Variants in HDLBP observed in about 807,000 individuals in gnomAD.
The protein encoded by HDLBP is high density lipoprotein binding protein, also known as vigilin.
Under a neutral mutation model 137.3 loss-of-function variants are expected in HDLBP, and 30 were observed. That is an observed-to-expected ratio of 0.22 (90% CI 0.16 to 0.30). The LOEUF is 0.30. Ranked by LOEUF, HDLBP falls within the 10% of genes least tolerant of loss-of-function variation. The pLI is 1.00. For missense variants in HDLBP, 1,119 were observed against 1,667.3 expected, an observed-to-expected ratio of 0.67 and a Z score of 5.73; for synonymous variants, 606 against 596.0, an observed-to-expected ratio of 1.02 and a Z score of -0.24.
chr2:241,247,280 GGTAA>G, intron 14 of HDLBP, 138 bp from the exon 15 acceptor site: 1 of 643,600 alleles, frequency 1.6e-6, no homozygotes, highest in Middle Eastern at 2.5e-4. Context: ...TTGTCATGAG[GGTAA>G]GTGAGATAGA....
Position 241,239,325 on chromosome 2 carries a change from T to C in HDLBP, c.2610+277A>G, listed in dbSNP as rs889562780. On this transcript the variant is annotated intron_variant, in intron 19 of 27. Transcript: ENST00000310931. The surrounding 1 kb of genome is among the most constrained non-coding windows in gnomAD (Gnocchi z 4.6). ...ACAGAATGCATTTTCTTTCTTTCTC[T>C]TGCTTTCTTTCCTCTCTCTCTCTCC... Among the ~76,000 whole-genome samples the C allele has an allele frequency of 1.3e-5, 2 of 152,068 alleles. No homozygotes were observed. The highest frequency in any genetic ancestry group is 4.8e-5 in the African/African-American group (2 of 41,428).
At position 241,253,047 on chromosome 2, in the gene HDLBP, G is replaced by A. The variant is rs1225824661; in HGVS notation, c.1294-12C>T. On this transcript the variant is annotated splice_polypyrimidine_tract_variant and intron_variant, in intron 10 of 27. Transcript: ENST00000310931. ...TCCATCCGGTTAATCTGCAGGAGGA[G>A]CACAGAGGTCCATGGATGCGCCTGG... The A allele has an allele frequency of 6.3e-7, 1 of 1,592,586 alleles. No individual in the cohort carries two copies. Among genetic ancestry groups the A allele is most frequent in the Non-Finnish European group, 8.6e-7 (1 of 1,161,354 alleles).
intron 1 of HDLBP, among the ~76,000 whole-genome samples, chr2:241,312,340 T>C (rs1006305180): frequency 5.9e-5 from 9 of 152,340 alleles, no homozygotes; most frequent in South Asian, 2.1e-4. Context: ...GGTAAAACAA[T>C]AGCCTACTAG....
chr2:241,281,627 T>C (rs1226632724), intron 1 of HDLBP, among the ~76,000 whole-genome samples: 2 of 152,242 alleles, frequency 1.3e-5, no homozygotes, highest in Admixed American at 6.5e-5. Flanking sequence ...CAACATCTAC[T>C]GGCCACATGT....
chr2:241,293,921 C>CAAAAAAA (rs56186900), intron 1 of HDLBP, among the ~76,000 whole-genome samples: 2 of 97,646 alleles, frequency 2.0e-5, no homozygotes, highest in Non-Finnish European at 4.1e-5. Flanking sequence ...GACCCTGCCT[C>CAAAAAAA]AAAAAAAAAA....
At chr2:241,242,733 C>A (rs1389053369) in intron 16 of HDLBP, 55 bp from the exon 17 acceptor site, 2 of 1,417,694 alleles carry the variant, frequency 1.4e-6, no homozygotes, top group Middle Eastern at 2.0e-4. Flanking sequence ...GCAAAAAGGG[C>A]AGAGGAAAAG....
At chr2:241,252,702 T>C (rs768800845) in intron 11 of HDLBP, among the ~76,000 whole-genome samples, 53 of 152,168 alleles carry the variant, frequency 3.5e-4, no homozygotes, top group African/African-American at 4.8e-4. Context: ...TGTGGGTTAT[T>C]TGGGGAGGGC....
intron 1 of HDLBP, among the ~76,000 whole-genome samples, chr2:241,282,236 T>C (rs549325480): frequency 3.3e-5 from 5 of 152,312 alleles, no homozygotes; most frequent in Non-Finnish European, 7.4e-5. Flanking sequence ...AGGCCTTTCA[T>C]GGAAATGCAG....
chr2:241,247,160 C>A lies in HDLBP; in HGVS notation c.1732-18G>T, dbSNP rs779342992. 6.7e-7 allele frequency: 1 copy of A among 1,490,132 alleles called. No homozygotes were observed. The highest frequency in any genetic ancestry group is 9.4e-7 in the Non-Finnish European group (1 of 1,067,002). The allele number at this position is 1,490,132 out of a possible 1,614,324, so 92.3% of individuals were successfully genotyped here. A position where few individuals can be genotyped will look rare whatever the true frequency, so the allele number is the denominator to read the frequency against. ...TTTTCCACCTTAAAGACAAAAAACA[C>A]AGCCCGATTCACCACCTGTGCTAGA... On this transcript the variant is annotated intron_variant, in intron 14 of 27. Coordinates refer to ENST00000310931, the MANE Select transcript of HDLBP (RefSeq NM_005336.6).
chr2:241,286,176 A>G (rs1339810107), intron 1 of HDLBP, among the ~76,000 whole-genome samples: 1 of 151,932 alleles, frequency 6.6e-6, no homozygotes, highest in Non-Finnish European at 1.5e-5. Flanking sequence ...GTATGTGGCC[A>G]GGCATGGTGG....
chr2:241,278,320 G>A (rs970742180), intron 1 of HDLBP, among the ~76,000 whole-genome samples: 30 of 152,082 alleles, frequency 2.0e-4, no homozygotes, highest in African/African-American at 6.5e-4. Context: ...ACGGTGGCTC[G>A]TGCCTGTAAT....
intron 5 of HDLBP, among the ~76,000 whole-genome samples, chr2:241,261,956 A>G (rs2073233118): frequency 6.6e-6 from 1 of 152,200 alleles, no homozygotes; most frequent in Non-Finnish European, 1.5e-5. Flanking sequence ...AAGAACCCCC[A>G]TTCCTAAATA....
In HDLBP at chr2:241,272,680, C is replaced by T. The variant is rs2074191165; in HGVS notation, c.-102-4139G>A. On this transcript the variant is annotated intron_variant, in intron 1 of 27. Coordinates refer to ENST00000310931, the MANE Select transcript of HDLBP (RefSeq NM_005336.6). The surrounding 1 kb of genome is among the most constrained non-coding windows in gnomAD (Gnocchi z 5.6). ...TCCGCGGCCTCCACGTCAGCAGCCA[C>T]CCCCCACCCCCCCGCCCGGCAGCCC... The T allele has an allele frequency of 6.6e-6, 5 of 758,282 alleles. No individual in the cohort carries two copies. The highest frequency in any genetic ancestry group is 7.9e-6 in the Non-Finnish European group (5 of 630,722). 47.0% of individuals were successfully genotyped at this position (758,282 alleles called of 1,614,324 possible).
intron 21 of HDLBP, 67 bp downstream of exon 21, chr2:241,236,548 C>T (rs1027118082): frequency 1.3e-5 from 20 of 1,534,216 alleles, no homozygotes; most frequent in Admixed American, 3.4e-5. Context: ...ATCCAGGCCA[C>T]GCGTCTCCCC....
intron 1 of HDLBP, among the ~76,000 whole-genome samples, chr2:241,290,759 A>G (rs900820171): frequency 2.6e-5 from 4 of 152,254 alleles, no homozygotes; most frequent in African/African-American, 7.2e-5. Context: ...TACCTCAATA[A>G]AAAGTCTACT....
rs144355464 is a variant in HDLBP at position 241,291,125 on chromosome 2, C to T, written c.-102-22584G>A. 1.3e-4 allele frequency among the ~76,000 whole-genome samples: 20 copies of T among 152,312 alleles called. No homozygotes were observed. In the East Asian group the frequency reaches 2.7e-3, roughly 21 times the overall value. Reference sequence around the variant, plus strand: ...GGAATAAAAGATGCTTAAGCATCGTCGGCTACTACAAATCAGTGAAAAGCA... The same window carrying T: ...GGAATAAAAGATGCTTAAGCATCGTTGGCTACTACAAATCAGTGAAAAGCA... On this transcript the variant is annotated intron_variant, in intron 1 of 27. Coordinates refer to ENST00000310931, the MANE Select transcript of HDLBP (RefSeq NM_005336.6).
At position 241,233,980 on chromosome 2, in the gene HDLBP, C is replaced by G. The variant is rs1306208513; in HGVS notation, c.3145-17G>C. ...CCTTAAAGCCTACAAATGAAAGGAG[C>G]AAGAATGAGGCAAAGATTGAGCTGA... On this transcript the variant is annotated splice_polypyrimidine_tract_variant and intron_variant, in intron 23 of 27. Coordinates refer to ENST00000310931, the MANE Select transcript of HDLBP (RefSeq NM_005336.6). This position sits in a 1 kb window ranked among gnomAD's most constrained non-coding sequence, Gnocchi z 4.3. 6.8e-6 allele frequency: 11 copies of G among 1,613,870 alleles called. No individual in the cohort carries two copies. The highest frequency in any genetic ancestry group is 5.0e-5 in the Admixed American group (3 of 60,016).
intron 1 of HDLBP, among the ~76,000 whole-genome samples, chr2:241,297,701 TGAA>T (rs1055825842): frequency 1.3e-5 from 2 of 151,570 alleles, no homozygotes; most frequent in African/African-American, 4.9e-5. Flanking sequence ...GGAAGGTACA[TGAA>T]GAGCCCAGAA....
intron 1 of HDLBP, among the ~76,000 whole-genome samples, chr2:241,275,433 G>A (rs1274537234): frequency 1.3e-5 from 2 of 152,012 alleles, no homozygotes; most frequent in Non-Finnish European, 2.9e-5. Flanking sequence ...AAGAACCATG[G>A]AATGAGAAAC....
Sources: gnomAD v4.1 joint callset for allele counts (sites outside exome capture counted in the v4.1 genomes callset) on GRCh38, gnomAD v4.1.1 for gene constraint, Gnocchi (gnomAD v3.1) non-coding constraint, MANE v1.5 for transcripts, NCBI Gene and HGNC (gene_info 2026-07-23, HGNC 2026-07-21) for gene names.